The following NRXN3 variants were observed in gnomAD, a reference collection of about 807,000 sequenced individuals.
NRXN3 encodes the protein neurexin 3, also known as neurexin III.
In NRXN3, 32 loss-of-function variants were observed where a neutral mutation model predicts 137.6. The observed-to-expected ratio is 0.23, with a 90% CI of 0.18 to 0.31. NRXN3 has a LOEUF of 0.31. NRXN3 is among the 10% of genes least tolerant of loss of function. The pLI is 1.00. For missense variants in NRXN3, 1,574 were observed against 2,062.5 expected, an observed-to-expected ratio of 0.76 and a Z score of 4.59; for synonymous variants, 798 against 784.5, an observed-to-expected ratio of 1.02 and a Z score of -0.29.
chr14:78,933,262 C>T (rs1002705891), intron 10 of NRXN3, among the ~76,000 whole-genome samples: 1 of 152,134 alleles, frequency 6.6e-6, no homozygotes, highest in Non-Finnish European at 1.5e-5. Flanking sequence ...TGGAAGAATG[C>T]ATGAAAATAT....
chr14:78,221,246 A>T (rs1247877443), intron 1 of NRXN3, among the ~76,000 whole-genome samples: 2 of 152,154 alleles, frequency 1.3e-5, no homozygotes, highest in Non-Finnish European at 2.9e-5. Context: ...AGGGTGCCGT[A>T]TAGCTTTGGT....
At chr14:79,007,457 CTTT>C (rs34955421) in intron 15 of NRXN3, among the ~76,000 whole-genome samples, 3 of 146,470 alleles carry the variant, frequency 2.0e-5, no homozygotes, top group Non-Finnish European at 3.0e-5. Flanking sequence ...AAGTCATGAA[CTTT>C]TTTTTTTTAA....
At chr14:79,118,514 C>T (rs1290537491) in intron 15 of NRXN3, among the ~76,000 whole-genome samples, 1 of 152,210 alleles carries the variant, frequency 6.6e-6, no homozygotes, top group East Asian at 1.9e-4. Flanking sequence ...TGGCTACCAG[C>T]AACTTTCAGA....
rs558918401 is a variant in NRXN3 at position 79,338,778 on chromosome 14, G to T, written c.3263-128443G>T. 1.4e-4 allele frequency among the ~76,000 whole-genome samples: 22 copies of T among 152,204 alleles called. 1 individual carries two copies. The South Asian group carries it at 4.6e-3, about 32-fold the overall frequency. On this transcript the variant is annotated intron_variant, in intron 15 of 20. Coordinates refer to ENST00000335750, the MANE Select transcript of NRXN3 (RefSeq NM_001330195.2). ...ATTTTCAAGTATCTAAGACTTCCAA[G>T]GACTAAAACTTCCCTCTGAATTTTA...
intron 4 of NRXN3, among the ~76,000 whole-genome samples, chr14:78,327,402 T>C (rs2080237516): frequency 6.6e-6 from 1 of 152,154 alleles, no homozygotes; most frequent in Non-Finnish European, 1.5e-5. Flanking sequence ...AGCTGGCAAT[T>C]TGATCTTTTA....
chr14:78,829,087 T>A (rs1315190792), intron 10 of NRXN3, among the ~76,000 whole-genome samples: 1 of 152,074 alleles, frequency 6.6e-6, no homozygotes, highest in Non-Finnish European at 1.5e-5. Flanking sequence ...ACATACTTGG[T>A]GTGTTTGAGG....
chr14:79,261,418 G>T (rs2077554789), intron 15 of NRXN3, among the ~76,000 whole-genome samples: 1 of 152,116 alleles, frequency 6.6e-6, no homozygotes, highest in Non-Finnish European at 1.5e-5. Flanking sequence ...GACTAGAGAT[G>T]CAGAAAGGGC....
At chr14:79,036,593 GTTTTTTTTTTTTTTTTT>G (rs57154485) in intron 15 of NRXN3, among the ~76,000 whole-genome samples, 33 of 101,652 alleles carry the variant, frequency 3.2e-4, no homozygotes, top group African/African-American at 1.0e-3. Context: ...TTCGTTTTGG[GTTTTTTTTTTTTTTTTT>G]TTTTTTTTTT....
intron 4 of NRXN3, among the ~76,000 whole-genome samples, chr14:78,463,845 C>T (rs1351883391): frequency 6.6e-6 from 1 of 150,870 alleles, no homozygotes; most frequent in East Asian, 1.9e-4. Flanking sequence ...AACAAAGGGA[C>T]ACTGGCCTCC....
intron 8 of NRXN3, among the ~76,000 whole-genome samples, chr14:78,787,017 C>T (rs560678937): frequency 9.2e-5 from 14 of 152,176 alleles, no homozygotes; most frequent in East Asian, 5.8e-4. Flanking sequence ...GGTTCTTTTT[C>T]GATAAAGTGA....
chr14:79,797,481 C>T (rs571832992), intron 19 of NRXN3, among the ~76,000 whole-genome samples: 1 of 151,562 alleles, frequency 6.6e-6, no homozygotes, highest in African/African-American at 2.4e-5. Flanking sequence ...GACTAGAATT[C>T]TGTCCCTTCA....
In NRXN3 at chr14:79,344,785, A is replaced by G. The variant is rs947302944; in HGVS notation, c.3263-122436A>G. Among the ~76,000 whole-genome samples the G allele has an allele frequency of 2.2e-4, 33 of 152,210 alleles. 1 individual carries two copies. The highest frequency in any genetic ancestry group is 1.3e-4 in the Admixed American group (2 of 15,282). On this transcript the variant is annotated intron_variant, in intron 15 of 20. Transcript: ENST00000335750. ...CCTCTTACTAAAAAGTTGACAATATAACTCTTTGTAACACAAAGTATATCA... is the reference window on the plus strand; with the variant it reads ...CCTCTTACTAAAAAGTTGACAATATGACTCTTTGTAACACAAAGTATATCA...
intron 16 of NRXN3, among the ~76,000 whole-genome samples, chr14:79,598,735 T>C (rs756263750): frequency 3.3e-5 from 5 of 152,156 alleles, no homozygotes; most frequent in Non-Finnish European, 5.9e-5. Context: ...AGAGGAAAGA[T>C]TGACATCATG....
intron 15 of NRXN3, among the ~76,000 whole-genome samples, chr14:79,303,813 T>C (rs1364879821): frequency 6.6e-6 from 1 of 152,028 alleles, no homozygotes; most frequent in East Asian, 1.9e-4. Flanking sequence ...GAGGGCTGGA[T>C]TTGGCTTCCC....
chr14:78,664,370 G>A (rs1010601044), intron 6 of NRXN3, among the ~76,000 whole-genome samples: 1 of 152,068 alleles, frequency 6.6e-6, no homozygotes, highest in Non-Finnish European at 1.5e-5. Flanking sequence ...CCCCTTTAAA[G>A]ATTCCCTCTC....
At chr14:78,518,165 C>T (rs1310880030) in intron 4 of NRXN3, among the ~76,000 whole-genome samples, 6 of 152,078 alleles carry the variant, frequency 3.9e-5, no homozygotes, top group Non-Finnish European at 5.9e-5. Context: ...GGCATATATG[C>T]CCAGAACTTT....
At chr14:78,239,003 T>C (rs925835903) in intron 1 of NRXN3, among the ~76,000 whole-genome samples, 14 of 152,230 alleles carry the variant, frequency 9.2e-5, no homozygotes, top group Non-Finnish European at 1.3e-4. Context: ...TGGGGTCATG[T>C]GAGGTTGGCA....
At chr14:78,794,548 T>C (rs1234327746) in intron 8 of NRXN3, among the ~76,000 whole-genome samples, 2 of 152,056 alleles carry the variant, frequency 1.3e-5, no homozygotes, top group Non-Finnish European at 2.9e-5. Context: ...AATATTAAAG[T>C]TTAGTTTAAT....
intron 4 of NRXN3, among the ~76,000 whole-genome samples, chr14:78,357,607 A>T (rs2084507690): frequency 6.6e-6 from 1 of 152,178 alleles, no homozygotes; most frequent in South Asian, 2.1e-4. Flanking sequence ...TCCCTTGCCC[A>T]TGACAGCTTG....
Sources: gnomAD v4.1 joint callset for allele counts (sites outside exome capture counted in the v4.1 genomes callset) on GRCh38, gnomAD v4.1.1 for gene constraint, MANE v1.5 for transcripts, NCBI Gene and HGNC (gene_info 2026-07-23, HGNC 2026-07-21) for gene names.